Variants in EPHX1 observed in about 807,000 individuals in gnomAD.
EPHX1 encodes the protein epoxide hydratase.
Under a neutral mutation model 43.2 loss-of-function variants are expected in EPHX1, and 40 were observed. The observed-to-expected ratio is 0.93, with a 90% CI of 0.72 to 1.21. The LOEUF (loss-of-function observed/expected upper bound fraction) is 1.21, where lower values mean the gene tolerates loss of function less well. EPHX1 is among the 50% of genes most tolerant of loss of function. The pLI is 0.00. For missense variants in EPHX1, 550 were observed against 570.4 expected (o/e 0.96, Z 0.36); for synonymous variants, 221 against 226.7 (o/e 0.98, Z 0.22).
In EPHX1 at chr1:225,835,130, A is replaced by G. The variant is rs560524675; in HGVS notation, c.364+3171A>G. ...TCCAAGAAAGGGGAACAGCATGTTC[A>G]AAGGCCCAGAGGCAGGAGGCAGTAA... is the stretch of plus-strand genomic sequence containing the variant. On this transcript the variant is annotated intron_variant, in intron 3 of 8. Coordinates refer to ENST00000272167, the MANE Select transcript of EPHX1 (RefSeq NM_001136018.4). Among the ~76,000 whole-genome samples the G allele has an allele frequency of 3.3e-5, 5 of 152,302 alleles. No individual in the cohort carries two copies. In the South Asian group the frequency reaches 1.0e-3, roughly 32 times the overall value.
intron 2 of EPHX1, among the ~76,000 whole-genome samples, chr1:225,829,403 G>A (rs988602439): frequency 5.3e-5 from 8 of 152,232 alleles, no homozygotes. Flanking sequence ...AACTGCAGAT[G>A]CAGAAGCTGA....
Position 225,812,567 on chromosome 1 carries a change from T to G in EPHX1, c.-6+2398T>G, listed in dbSNP as rs530793586. On this transcript the variant is annotated intron_variant, in intron 1 of 8. Coordinates refer to ENST00000272167, the MANE Select transcript of EPHX1 (RefSeq NM_001136018.4). Reference sequence around the variant, plus strand: ...TTTTCAGGGAGCCCAGGTTCACCAATGCACAGTGCCCCTCCTGTCGACCTG... The same window carrying G: ...TTTTCAGGGAGCCCAGGTTCACCAAGGCACAGTGCCCCTCCTGTCGACCTG... 6.2e-4 allele frequency among the ~76,000 whole-genome samples: 94 copies of G among 152,324 alleles called. 1 individual carries two copies. The highest frequency in any genetic ancestry group is 5.4e-3 in the Admixed American group (82 of 15,308).
chr1:225,820,933 C>T (rs369059740), intron 1 of EPHX1, among the ~76,000 whole-genome samples: 1 of 152,044 alleles, frequency 6.6e-6, no homozygotes, highest in African/African-American at 2.4e-5. Context: ...CTGCACAGTA[C>T]CCAGCCAGTA....
At chr1:225,812,032 T>G (rs182571234) in intron 1 of EPHX1, among the ~76,000 whole-genome samples, 192 of 152,322 alleles carry the variant, frequency 1.3e-3, no homozygotes, top group African/African-American at 4.4e-3. Context: ...AGGGTGGCAC[T>G]GGCATAGACC....
chr1:225,836,842 G>A (rs542039656), intron 3 of EPHX1, among the ~76,000 whole-genome samples: 8 of 152,170 alleles, frequency 5.3e-5, no homozygotes, highest in Non-Finnish European at 1.2e-4. Flanking sequence ...CCTGCCAGCC[G>A]AATACATCCT....
At chr1:225,824,092 CAGAT>C (rs1345258229) in intron 1 of EPHX1, among the ~76,000 whole-genome samples, 6 of 152,146 alleles carry the variant, frequency 3.9e-5, no homozygotes, top group Non-Finnish European at 8.8e-5. Context: ...CAGGGTTAGG[CAGAT>C]AGAGAGTGGG....
chr1:225,844,137 A>C (rs1257024762), intron 7 of EPHX1, among the ~76,000 whole-genome samples: 1 of 152,188 alleles, frequency 6.6e-6, no homozygotes, highest in African/African-American at 2.4e-5. Flanking sequence ...TAAGGAGCTT[A>C]GAACATGCTG....
At chr1:225,822,566 T>C (rs1667022839) in intron 1 of EPHX1, among the ~76,000 whole-genome samples, 1 of 152,258 alleles carries the variant, frequency 6.6e-6, no homozygotes, top group Non-Finnish European at 1.5e-5. Flanking sequence ...TGGTGTCTCC[T>C]AAACTTTGAT....
chr1:225,823,715 C>A (rs1164038969), intron 1 of EPHX1, among the ~76,000 whole-genome samples: 4 of 152,136 alleles, frequency 2.6e-5, no homozygotes, highest in Non-Finnish European at 5.9e-5. Flanking sequence ...TTAGTGCCAC[C>A]CCCTCCCCAG....
At chr1:225,828,970 A>C in intron 2 of EPHX1, 58 bp downstream of exon 2, 3 of 1,542,396 alleles carry the variant, frequency 1.9e-6, no homozygotes, top group Non-Finnish European at 2.6e-6. Flanking sequence ...TGTCGAAGAC[A>C]GGGGTTGGGT....
At chr1:225,820,136 T>A (rs2740179) in intron 1 of EPHX1, among the ~76,000 whole-genome samples, 1 of 152,272 alleles carries the variant, frequency 6.6e-6, no homozygotes, top group South Asian at 2.1e-4. Flanking sequence ...CTTGCTGTGT[T>A]CCCCAGGCTG....
intron 2 of EPHX1, among the ~76,000 whole-genome samples, chr1:225,829,336 T>A (rs1392855890): frequency 6.6e-6 from 1 of 152,172 alleles, no homozygotes; most frequent in African/African-American, 2.4e-5. Flanking sequence ...GTGTCAGCCA[T>A]TCCTGGTCAC....
intron 6 of EPHX1, 134 bp from the exon 7 acceptor site, chr1:225,842,232 G>C: frequency 1.4e-6 from 1 of 734,290 alleles, no homozygotes; most frequent in Admixed American, 2.0e-5. Flanking sequence ...CAGGAGTTAA[G>C]GCAGGCCTGT....
intron 1 of EPHX1, among the ~76,000 whole-genome samples, chr1:225,824,912 AG>A: frequency 6.6e-6 from 1 of 152,234 alleles, no homozygotes. Flanking sequence ...TATTAAATAA[AG>A]GGCTGTTACT....
At chr1:225,836,656 G>A (rs1368121866) in intron 3 of EPHX1, among the ~76,000 whole-genome samples, 1 of 152,186 alleles carries the variant, frequency 6.6e-6, no homozygotes, top group Non-Finnish European at 1.5e-5. Context: ...AATAAACTCT[G>A]AGGAAATAAT....
chr1:225,837,238 A>G (rs902820032), intron 3 of EPHX1, among the ~76,000 whole-genome samples: 2 of 152,268 alleles, frequency 1.3e-5, no homozygotes, highest in Non-Finnish European at 2.9e-5. Context: ...TACAGTAAAC[A>G]TGTATTATTT....
chr1:225,832,157 C>T, intron 3 of EPHX1, 198 bp downstream of exon 3: 1 of 641,758 alleles, frequency 1.6e-6, no homozygotes, highest in Non-Finnish European at 2.8e-6. Context: ...TAGAGCTAGG[C>T]AGGAACACAT....
At chr1:225,833,769 T>C (rs1049378961) in intron 3 of EPHX1, among the ~76,000 whole-genome samples, 13 of 132,508 alleles carry the variant, frequency 9.8e-5, no homozygotes, top group Middle Eastern at 9.4e-3. Flanking sequence ...CACTCCAGCC[T>C]GGGCGACAGA....
Position 225,838,687 on chromosome 1 carries a change from C to T in EPHX1, c.398C>T (p.Pro133Leu). 2 of 1,614,168 alleles carry T rather than the reference C, an allele frequency of 1.2e-6. No individual in the cohort carries two copies. Among genetic ancestry groups the T allele is most frequent in the East Asian group, 2.2e-5 (1 of 44,878 alleles). ...LDIHFIHVKP[P>L]QLPAGHTPKP... ...ATCCACTTCATCCACGTGAAGCCCCCCCAGCTGCCCGCAGGCCATACCCCG... is the reference window on the plus strand; with the variant it reads ...ATCCACTTCATCCACGTGAAGCCCCTCCAGCTGCCCGCAGGCCATACCCCG... The change falls in exon 4 of 9, where the codon CCC (proline) becomes CTC (leucine). Residue 133 changes from proline to leucine, a missense_variant. Pro to Leu is a moderately conservative substitution (Grantham distance 98). Coordinates refer to ENST00000272167, the MANE Select transcript of EPHX1 (RefSeq NM_001136018.4).
Sources: gnomAD v4.1 joint callset for allele counts (sites outside exome capture counted in the v4.1 genomes callset) on GRCh38, gnomAD v4.1.1 for gene constraint, MANE v1.5 for transcripts, NCBI Gene and HGNC (gene_info 2026-07-23, HGNC 2026-07-21) for gene names.